The following KLHL3 variants were observed in gnomAD, a reference collection of about 807,000 sequenced individuals.
KLHL3 encodes the protein kelch-like protein 3.
KLHL3 carries 19 observed loss-of-function variants against 70.5 expected under a neutral mutation model. The observed-to-expected ratio is 0.27, with a 90% CI of 0.19 to 0.40. The LOEUF is 0.40. Ranked by LOEUF, KLHL3 falls within the 10% of genes least tolerant of loss-of-function variation. The pLI is 1.00. For missense variants in KLHL3, 512 were observed against 771.1 expected (o/e 0.66, Z 3.98); for synonymous variants, 258 against 290.3 (o/e 0.89, Z 1.13).
chr5:137,655,679 G>GT (rs1270495113), intron 8 of KLHL3, among the ~76,000 whole-genome samples: 1 of 152,020 alleles, frequency 6.6e-6, no homozygotes, highest in Non-Finnish European at 1.5e-5. Flanking sequence ...CATGTACAAA[G>GT]AGCCTTTAGA....
chr5:137,662,651 A>G (rs953148357), intron 6 of KLHL3, among the ~76,000 whole-genome samples: 6 of 152,216 alleles, frequency 3.9e-5, no homozygotes, highest in African/African-American at 1.4e-4. Context: ...GCAGACCTAT[A>G]CTTTGGATGT....
chr5:137,691,865 G>A lies in KLHL3; in HGVS notation c.526+420C>T, dbSNP rs534767621. ...GATCTCCTGACCTCATGACCCGCCTGCCTCAGCCTCCCAAAGTGCTGGGAT... is the reference window on the plus strand; with the variant it reads ...GATCTCCTGACCTCATGACCCGCCTACCTCAGCCTCCCAAAGTGCTGGGAT... On this transcript the variant is annotated intron_variant, in intron 5 of 14. Transcript: ENST00000309755. Among the ~76,000 whole-genome samples the A allele has an allele frequency of 7.9e-5, 12 of 151,884 alleles. No homozygotes were observed. In the South Asian group the frequency reaches 1.0e-3, roughly 13 times the overall value.
chr5:137,714,744 G>T (rs1752861806), intron 2 of KLHL3, among the ~76,000 whole-genome samples: 1 of 152,154 alleles, frequency 6.6e-6, no homozygotes, highest in Non-Finnish European at 1.5e-5. Context: ...TAAACTAAAA[G>T]CCATTAAATT....
intron 5 of KLHL3, among the ~76,000 whole-genome samples, chr5:137,687,509 TGCCTG>T: frequency 1.0e-4 from 1 of 9,886 alleles, no homozygotes; most frequent in Admixed American, 8.3e-4. Flanking sequence ...GGAGCCCCTC[TGCCTG>T]GCCAGCCGCC....
chr5:137,633,484 G>A (rs574284319), intron 12 of KLHL3, among the ~76,000 whole-genome samples: 1 of 151,956 alleles, frequency 6.6e-6, no homozygotes, highest in Admixed American at 6.5e-5. Flanking sequence ...CAAAGGAAAA[G>A]AAATCATTAT....
chr5:137,706,261 T>A (rs186903778), intron 3 of KLHL3: 1 of 985,454 alleles, frequency 1.0e-6, no homozygotes. Context: ...TTAAACACAC[T>A]GATAGAAATG....
At chr5:137,675,927 T>C (rs1002795343) in intron 6 of KLHL3, among the ~76,000 whole-genome samples, 7 of 152,202 alleles carry the variant, frequency 4.6e-5, no homozygotes, top group East Asian at 1.9e-4. Flanking sequence ...AACATTCACA[T>C]AGCCAATCAA....
intron 12 of KLHL3, among the ~76,000 whole-genome samples, chr5:137,633,366 G>C (rs967924049): frequency 2.8e-4 from 42 of 151,398 alleles, no homozygotes; most frequent in African/African-American, 1.0e-3. Context: ...CACTGTTGTG[G>C]AAATATAAAT....
chr5:137,636,260 C>G (rs1005258936), intron 11 of KLHL3, among the ~76,000 whole-genome samples: 2 of 152,186 alleles, frequency 1.3e-5, no homozygotes, highest in African/African-American at 2.4e-5. Flanking sequence ...AAGAATCTTT[C>G]TATTAATGTC....
chr5:137,626,500 A>C (rs2149876668), intron 13 of KLHL3, among the ~76,000 whole-genome samples: 1 of 152,340 alleles, frequency 6.6e-6, no homozygotes, highest in Non-Finnish European at 1.5e-5. Context: ...AAGGCATAGG[A>C]AAATGTAATG....
intron 5 of KLHL3, among the ~76,000 whole-genome samples, chr5:137,691,695 C>A (rs909619801): frequency 6.6e-6 from 1 of 151,958 alleles, no homozygotes; most frequent in Non-Finnish European, 1.5e-5. Flanking sequence ...ACTGCAAGCT[C>A]CGCCTCCCGG....
chr5:137,699,472 T>A (rs1297861708), intron 3 of KLHL3, among the ~76,000 whole-genome samples: 2 of 151,914 alleles, frequency 1.3e-5, no homozygotes, highest in African/African-American at 4.8e-5. Flanking sequence ...GATGGGCATT[T>A]TTGAACGAAA....
intron 3 of KLHL3, among the ~76,000 whole-genome samples, chr5:137,704,334 G>A (rs977850756): frequency 1.2e-4 from 18 of 152,016 alleles, no homozygotes; most frequent in South Asian, 2.1e-4. Context: ...GCAGTGAGCC[G>A]AGATTGCGCC....
At chr5:137,709,351 C>A (rs999920505) in intron 3 of KLHL3, among the ~76,000 whole-genome samples, 3 of 152,204 alleles carry the variant, frequency 2.0e-5, no homozygotes, top group Admixed American at 6.5e-5. Context: ...AAGTCCCACT[C>A]ATTCACTGTG....
At chr5:137,688,930 A>G (rs943970791) in intron 5 of KLHL3, among the ~76,000 whole-genome samples, 2 of 152,254 alleles carry the variant, frequency 1.3e-5, no homozygotes, top group South Asian at 4.1e-4. Context: ...CAACAGGACC[A>G]AGGAGCACCA....
intron 1 of KLHL3, among the ~76,000 whole-genome samples, chr5:137,721,646 C>T (rs186083196): frequency 3.6e-4 from 55 of 152,306 alleles, no homozygotes; most frequent in Non-Finnish European, 8.8e-5. Context: ...GCCTTCTGTA[C>T]TGAAATCAAG....
chr5:137,698,839 G>A (rs1157210459), intron 3 of KLHL3, among the ~76,000 whole-genome samples: 1 of 152,230 alleles, frequency 6.6e-6, no homozygotes, highest in Non-Finnish European at 1.5e-5. Context: ...TATACACAAA[G>A]TATTGTGATA....
intron 8 of KLHL3, among the ~76,000 whole-genome samples, chr5:137,656,500 C>A (rs1751349382): frequency 6.6e-6 from 1 of 152,218 alleles, no homozygotes; most frequent in African/African-American, 2.4e-5. Flanking sequence ...TCCTAGGAGA[C>A]ATTTCAAGTG....
intron 4 of KLHL3, among the ~76,000 whole-genome samples, chr5:137,696,732 G>GT (rs750551372): frequency 3.9e-5 from 6 of 152,198 alleles, no homozygotes; most frequent in Non-Finnish European, 5.9e-5. Context: ...GACCGTGGCA[G>GT]TTTATTTAAC....
Sources: gnomAD v4.1 joint callset for allele counts (sites outside exome capture counted in the v4.1 genomes callset) on GRCh38, gnomAD v4.1.1 for gene constraint, MANE v1.5 for transcripts, NCBI Gene and HGNC (gene_info 2026-07-23, HGNC 2026-07-21) for gene names.